The following CALN1 variants were observed in gnomAD, a reference collection of about 807,000 sequenced individuals.
CALN1 encodes calcium-binding protein 8.
CALN1 carries 17 observed loss-of-function variants against 30.6 expected under a neutral mutation model. The observed-to-expected ratio is 0.56, with a 90% CI of 0.38 to 0.83. The LOEUF is 0.83. CALN1 is among the 40% of genes least tolerant of loss of function. The probability of loss-of-function intolerance (pLI) is 0.00; values close to 1 mark genes in which losing one functional copy is unlikely to be tolerated. For missense variants in CALN1, 291 were observed against 354.9 expected, an observed-to-expected ratio of 0.82 and a Z score of 1.45; for synonymous variants, 156 against 131.4, an observed-to-expected ratio of 1.19 and a Z score of -1.28.
intron 5 of CALN1, among the ~76,000 whole-genome samples, chr7:71,955,153 G>A (rs1246966648): frequency 6.6e-6 from 1 of 152,122 alleles, no homozygotes; most frequent in Non-Finnish European, 1.5e-5. Flanking sequence ...ATCGTACATG[G>A]CGGCAGGCAG....
At chr7:71,865,202 G>A (rs184570023) in intron 5 of CALN1, among the ~76,000 whole-genome samples, 23 of 152,272 alleles carry the variant, frequency 1.5e-4, no homozygotes, top group Admixed American at 5.9e-4. Flanking sequence ...GGAGATACTT[G>A]GATCGTGGGG....
chr7:72,260,080 A>C (rs1423953411), intron 3 of CALN1, among the ~76,000 whole-genome samples: 1 of 152,182 alleles, frequency 6.6e-6, no homozygotes, highest in Non-Finnish European at 1.5e-5. Flanking sequence ...AAAAATGTAA[A>C]AATTAGCTGA....
At chr7:71,835,175 C>G (rs1789532090) in intron 5 of CALN1, among the ~76,000 whole-genome samples, 1 of 152,308 alleles carries the variant, frequency 6.6e-6, no homozygotes, top group South Asian at 2.1e-4. Context: ...ACAAACACGG[C>G]ACTTGCCTAA....
chr7:72,298,876 C>T (rs4719223), intron 2 of CALN1, among the ~76,000 whole-genome samples: 53,199 of 151,590 alleles, frequency 0.35, 10,656 homozygotes, highest in Middle Eastern at 0.53. Context: ...CCGCCATCCA[C>T]GTCAAGTCGT....
chr7:71,991,457 T>TAA (rs1798947920), intron 5 of CALN1, among the ~76,000 whole-genome samples: 1 of 145,714 alleles, frequency 6.9e-6, no homozygotes, highest in African/African-American at 2.6e-5. Context: ...AGATTCTGTC[T>TAA]CAAAAAAAAA....
At chr7:72,087,968 G>A (rs2129539444) in intron 4 of CALN1, among the ~76,000 whole-genome samples, 1 of 152,218 alleles carries the variant, frequency 6.6e-6, no homozygotes, top group South Asian at 2.1e-4. Flanking sequence ...TTTGGAAACA[G>A]CCTGGAAAAC....
intron 3 of CALN1, among the ~76,000 whole-genome samples, chr7:72,165,381 G>T (rs1040377242): frequency 6.6e-6 from 1 of 152,030 alleles, no homozygotes; most frequent in African/African-American, 2.4e-5. Context: ...CCAACAGGGT[G>T]AGACTGCGTT....
chr7:71,863,661 C>T (rs573748716), intron 5 of CALN1, among the ~76,000 whole-genome samples: 19 of 151,140 alleles, frequency 1.3e-4, no homozygotes, highest in African/African-American at 2.7e-4. Context: ...TGCAAAACAA[C>T]GGAATTACTA....
chr7:72,249,679 G>A (rs1406626194), intron 3 of CALN1, among the ~76,000 whole-genome samples: 2 of 152,144 alleles, frequency 1.3e-5, no homozygotes, highest in Non-Finnish European at 2.9e-5. Flanking sequence ...GCAGGTGACT[G>A]TAATCCCAGC....
intron 5 of CALN1, among the ~76,000 whole-genome samples, chr7:71,893,587 A>G (rs554916223): frequency 1.3e-5 from 2 of 152,014 alleles, no homozygotes; most frequent in South Asian, 4.2e-4. Context: ...GCTACTTGGG[A>G]GGCTGAGGAT....
chr7:72,107,315 G>A (rs1397049844), intron 3 of CALN1, among the ~76,000 whole-genome samples: 1 of 152,216 alleles, frequency 6.6e-6, no homozygotes, highest in Non-Finnish European at 1.5e-5. Context: ...CATAGGAGGA[G>A]AAGAGTTAAG....
chr7:72,099,586 A>G (rs1247516425), intron 4 of CALN1, among the ~76,000 whole-genome samples: 1 of 152,102 alleles, frequency 6.6e-6, no homozygotes, highest in Non-Finnish European at 1.5e-5. Context: ...AAATTTGCAA[A>G]ATACCTTCAA....
chr7:72,464,494 C>T, the CALN1 span, among the ~76,000 whole-genome samples: 1 of 152,226 alleles, frequency 6.6e-6, no homozygotes, highest in African/African-American at 2.4e-5. Flanking sequence ...AGGGAACCCA[C>T]TGCTAGCTCC....
At chr7:72,501,923 A>AT in the CALN1 span, among the ~76,000 whole-genome samples, 7 of 89,250 alleles carry the variant, frequency 7.8e-5, 1 homozygote, top group South Asian at 1.3e-3. Context: ...AAAAAAAAAA[A>AT]AAAAAATATA....
chr7:72,447,729 C>G (rs1253649082), upstream of CALN1, among the ~76,000 whole-genome samples: 1 of 147,774 alleles, frequency 6.8e-6, no homozygotes, highest in Non-Finnish European at 1.5e-5. Context: ...ACACACCTGC[C>G]CACGCACAAA....
At chr7:71,826,680 TGA>T (rs1788934556) in intron 5 of CALN1, among the ~76,000 whole-genome samples, 1 of 152,170 alleles carries the variant, frequency 6.6e-6, no homozygotes, top group African/African-American at 2.4e-5. Flanking sequence ...TCAGATGAAG[TGA>T]GGTGTGAATC....
At chr7:71,950,762 G>A (rs1796649290) in intron 5 of CALN1, among the ~76,000 whole-genome samples, 1 of 152,186 alleles carries the variant, frequency 6.6e-6, no homozygotes, top group African/African-American at 2.4e-5. Context: ...CTGCACATCT[G>A]GCACCAGCCA....
intron 2 of CALN1, among the ~76,000 whole-genome samples, chr7:72,353,242 T>C (rs1198228382): frequency 7.4e-6 from 1 of 134,926 alleles, no homozygotes; most frequent in Non-Finnish European, 1.7e-5. Flanking sequence ...CAACTCATTT[T>C]ATGAGGCTAC....
chr7:72,173,329 A>G (rs1359098369), intron 3 of CALN1, among the ~76,000 whole-genome samples: 1 of 152,162 alleles, frequency 6.6e-6, no homozygotes, highest in African/African-American at 2.4e-5. Context: ...AAATGAATAT[A>G]TATATATATC....
Sources: allele counts gnomAD v4.1 joint callset (sites outside exome capture counted in the v4.1 genomes callset), GRCh38; gene constraint gnomAD v4.1.1; transcripts MANE v1.5; gene names NCBI Gene and HGNC (gene_info 2026-07-23, HGNC 2026-07-21).